Variants in ADGRB3 observed in about 807,000 individuals in gnomAD.
ADGRB3 encodes the protein adhesion G protein-coupled receptor B3.
ADGRB3 carries 37 observed loss-of-function variants against 193.4 expected under a neutral mutation model. The ratio of observed to expected loss-of-function variants is 0.19; its 90% confidence interval spans 0.15 to 0.25. The LOEUF (loss-of-function observed/expected upper bound fraction) is 0.25. ADGRB3 is among the 10% of genes least tolerant of loss of function. The pLI is 1.00. For synonymous variants in ADGRB3, 690 were observed against 644.2 expected, an observed-to-expected ratio of 1.07 and a Z score of -1.08; for missense variants, 1,637 against 1,852.9, an observed-to-expected ratio of 0.88 and a Z score of 2.14.
chr6:68,754,736 AT>A (rs1333723839), intron 3 of ADGRB3, among the ~76,000 whole-genome samples: 4 of 52,776 alleles, frequency 7.6e-5, no homozygotes, highest in Non-Finnish European at 7.4e-5. Context: ...GAATAAGGAA[AT>A]TTAAAAAAAA....
At chr6:69,386,457 G>A (rs1770073585) in intron 31 of ADGRB3, among the ~76,000 whole-genome samples, 1 of 152,030 alleles carries the variant, frequency 6.6e-6, no homozygotes, top group African/African-American at 2.4e-5. Context: ...TGATTCAGTA[G>A]AATTCGAACC....
intron 17 of ADGRB3, among the ~76,000 whole-genome samples, chr6:69,089,556 T>A (rs1772647683): frequency 6.6e-6 from 1 of 152,214 alleles, no homozygotes; most frequent in South Asian, 2.1e-4. Context: ...TTATCCAGCA[T>A]CACTGGAAAA....
chr6:69,055,452 A>T lies in ADGRB3; in HGVS notation c.2333+6106A>T, dbSNP rs140332318. Reference sequence around the variant, plus strand: ...CCTTTGGGTTCATTTGTCTTGTAGCATATGATAAGTTTTTTTTCTTTTTAT... The same window carrying T: ...CCTTTGGGTTCATTTGTCTTGTAGCTTATGATAAGTTTTTTTTCTTTTTAT... On this transcript the variant is annotated intron_variant, in intron 15 of 31. Transcript: ENST00000370598. Among the ~76,000 whole-genome samples, 66 of 152,264 alleles carry T rather than the reference A, an allele frequency of 4.3e-4. 1 individual carries two copies. The highest frequency in any genetic ancestry group is 1.5e-3 in the African/African-American group (62 of 41,554).
rs559417005 is a variant in ADGRB3, at chr6:69,277,153, C to A, written c.2814+37927C>A. Among the ~76,000 whole-genome samples, 68 of 152,020 alleles carry A rather than the reference C, an allele frequency of 4.5e-4. No homozygotes were observed. The South Asian group carries it at 9.8e-3, about 22-fold the overall frequency. ...GGGATTACAGGCACGAGCCACCATG[C>A]CCAGCTAATATTTGTATTTTTAGTA... On this transcript the variant is annotated intron_variant, in intron 20 of 31. Transcript: ENST00000370598.
At chr6:69,317,688 C>T (rs1346531404) in intron 20 of ADGRB3, among the ~76,000 whole-genome samples, 1 of 151,470 alleles carries the variant, frequency 6.6e-6, no homozygotes, top group Non-Finnish European at 1.5e-5. Flanking sequence ...TTCTCTACCA[C>T]TCTTTGTCAG....
intron 28 of ADGRB3, 88 bp from the exon 29 acceptor site, chr6:69,360,781 T>G (rs1232371335): frequency 7.6e-7 from 1 of 1,315,070 alleles, no homozygotes; most frequent in East Asian, 2.4e-5. Flanking sequence ...ATCTTTAATG[T>G]TTAGTAGAAA....
At chr6:68,879,517 C>T (rs1049074557) in intron 3 of ADGRB3, among the ~76,000 whole-genome samples, 5 of 152,080 alleles carry the variant, frequency 3.3e-5, no homozygotes, top group African/African-American at 4.8e-5. Context: ...CGTGAGCCAC[C>T]GCGCCTGGCC....
intron 3 of ADGRB3, among the ~76,000 whole-genome samples, chr6:68,723,836 T>G (rs1032863483): frequency 6.6e-6 from 1 of 151,710 alleles, no homozygotes; most frequent in African/African-American, 2.4e-5. Context: ...GGAGATTATT[T>G]TGCCCCCAGC....
chr6:69,218,963 C>T (rs1453013344), intron 17 of ADGRB3, among the ~76,000 whole-genome samples: 1 of 152,088 alleles, frequency 6.6e-6, no homozygotes, highest in Non-Finnish European at 1.5e-5. Flanking sequence ...AAAACTACTG[C>T]TCCACAATGT....
intron 3 of ADGRB3, among the ~76,000 whole-genome samples, chr6:68,885,333 A>AT (rs1296344404): frequency 6.6e-6 from 1 of 152,130 alleles, no homozygotes; most frequent in African/African-American, 2.4e-5. Context: ...CTCCAGGTTA[A>AT]TTTTTTTAAT....
rs560817155 is a variant in ADGRB3 at position 69,021,320 on chromosome 6, A to T, written c.2107+2821A>T. Among the ~76,000 whole-genome samples, 6 of 152,040 alleles carry T rather than the reference A, an allele frequency of 3.9e-5. No individual in the cohort carries two copies. The South Asian group carries it at 1.0e-3, about 26-fold the overall frequency. Reference sequence around the variant, plus strand: ...GTATAGCTGCCTCACTTTTCTGACTATAGATAGTACACTCCTGAAGGAAGA... The same window carrying T: ...GTATAGCTGCCTCACTTTTCTGACTTTAGATAGTACACTCCTGAAGGAAGA... On this transcript the variant is annotated intron_variant, in intron 13 of 31. Coordinates refer to ENST00000370598, the MANE Select transcript of ADGRB3 (RefSeq NM_001704.3).
At chr6:68,844,892 A>G (rs951530405) in intron 3 of ADGRB3, among the ~76,000 whole-genome samples, 1 of 152,158 alleles carries the variant, frequency 6.6e-6, no homozygotes, top group African/African-American at 2.4e-5. Flanking sequence ...ACATGTTCTC[A>G]TTTATCTGTG....
chr6:68,785,925 T>C, intron 3 of ADGRB3, among the ~76,000 whole-genome samples: 1 of 152,220 alleles, frequency 6.6e-6, no homozygotes, highest in East Asian at 1.9e-4. Flanking sequence ...GAGCATTTTT[T>C]CATGTGTTTT....
chr6:69,288,083 A>G (rs534001888), intron 20 of ADGRB3, among the ~76,000 whole-genome samples: 14 of 152,220 alleles, frequency 9.2e-5, no homozygotes, highest in African/African-American at 3.4e-4. Flanking sequence ...GTTCTGGGAT[A>G]CATGTGCAGA....
In ADGRB3 at chr6:68,782,296, A is replaced by G. The variant is rs1766870519; in HGVS notation, c.757+142864A>G. Among the ~76,000 whole-genome samples the G allele has an allele frequency of 2.0e-5, 3 of 152,044 alleles. No homozygotes were observed. The South Asian group carries it at 6.2e-4, about 32-fold the overall frequency. ...CGTCATCTATGTCCCTACAAAGGAC[A>G]TGAACTCATCATTTTTTATGGCTGC... On this transcript the variant is annotated intron_variant, in intron 3 of 31. Coordinates refer to ENST00000370598, the MANE Select transcript of ADGRB3 (RefSeq NM_001704.3).
At chr6:69,310,469 T>C (rs999415832) in intron 20 of ADGRB3, among the ~76,000 whole-genome samples, 1 of 151,722 alleles carries the variant, frequency 6.6e-6, no homozygotes, top group Non-Finnish European at 1.5e-5. Context: ...AGGACTCAGA[T>C]TTAGAAATGA....
intron 17 of ADGRB3, among the ~76,000 whole-genome samples, chr6:69,232,143 A>T (rs1454154820): frequency 6.6e-6 from 1 of 152,250 alleles, no homozygotes; most frequent in Non-Finnish European, 1.5e-5. Flanking sequence ...TTGAAATTTA[A>T]ACACACACAC....
chr6:68,656,288 A>G (rs1341685435), intron 3 of ADGRB3, among the ~76,000 whole-genome samples: 1 of 151,542 alleles, frequency 6.6e-6, no homozygotes, highest in Non-Finnish European at 1.5e-5. Flanking sequence ...AGTCCTTTGT[A>G]TTTAGGAGAG....
At position 68,866,507 on chromosome 6, in the gene ADGRB3, C is replaced by T. The variant is rs1299022238; in HGVS notation, c.758-64052C>T. On this transcript the variant is annotated intron_variant, in intron 3 of 31. Coordinates refer to ENST00000370598, the MANE Select transcript of ADGRB3 (RefSeq NM_001704.3). ...ATGGATTAATACAGAAAAGTGGTAC[C>T]ACGAGAGTGGGTCACTGCTATAAAG... is the stretch of plus-strand genomic sequence containing the variant. Among the ~76,000 whole-genome samples the T allele has an allele frequency of 3.3e-5, 5 of 152,060 alleles. No individual in the cohort carries two copies. In the East Asian group the frequency reaches 7.7e-4, roughly 23 times the overall value.
Sources: allele counts gnomAD v4.1 joint callset (sites outside exome capture counted in the v4.1 genomes callset), GRCh38; gene constraint gnomAD v4.1.1; transcripts MANE v1.5; gene names NCBI Gene and HGNC (gene_info 2026-07-23, HGNC 2026-07-21).